Variants in DEK observed in about 807,000 individuals in gnomAD.
DEK encodes protein DEK.
In DEK, 28 loss-of-function variants were observed where a neutral mutation model predicts 46.8. The observed-to-expected ratio is 0.60, with a 90% CI of 0.44 to 0.82. The LOEUF (loss-of-function observed/expected upper bound fraction) is 0.82. DEK is among the 40% of genes least tolerant of loss of function. The pLI is 0.00. For synonymous variants in DEK, 160 were observed against 144.5 expected (o/e 1.11, Z -0.77); for missense variants, 416 against 430.6 (o/e 0.97, Z 0.30).
At position 18,264,030 on chromosome 6, in the gene DEK, C is replaced by G. The variant is rs762849194; in HGVS notation, c.-9-34G>C. 2.6e-6 allele frequency: 4 copies of G among 1,561,482 alleles called. No individual in the cohort carries two copies. The East Asian group carries it at 9.1e-5, about 36-fold the overall frequency. ...GGGAAGAAAGCCGGACGTCTCGGTCCTCCTACTCCCGCAGGCAGGACCGGG... is the reference window on the plus strand; with the variant it reads ...GGGAAGAAAGCCGGACGTCTCGGTCGTCCTACTCCCGCAGGCAGGACCGGG... On this transcript the variant is annotated intron_variant, in intron 1 of 10. Coordinates refer to ENST00000652689, the MANE Select transcript of DEK (RefSeq NM_003472.4).
chr6:18,246,430 T>A (rs1791117728), intron 7 of DEK, among the ~76,000 whole-genome samples: 1 of 152,232 alleles, frequency 6.6e-6, no homozygotes, highest in Admixed American at 6.5e-5. Flanking sequence ...CTATTGTGAC[T>A]CACTCACTGC....
chr6:18,244,503 C>T lies in DEK; in HGVS notation c.762+5148G>A, dbSNP rs1420558676. The T allele has an allele frequency of 3.9e-6, 5 of 1,283,746 alleles. No homozygotes were observed. The East Asian group carries it at 2.2e-4, about 57-fold the overall frequency. The allele number at this position is 1,283,746 out of a possible 1,614,324, so 79.5% of individuals were successfully genotyped here. On this transcript the variant is annotated intron_variant, in intron 7 of 10. Coordinates refer to ENST00000652689, the MANE Select transcript of DEK (RefSeq NM_003472.4). Reference sequence around the variant, plus strand: ...CAAAAAAAATCTTGGGAAAGCAAGGCTTACCTATGATTTATAGGCAGCAGG... The same window carrying T: ...CAAAAAAAATCTTGGGAAAGCAAGGTTTACCTATGATTTATAGGCAGCAGG...
intron 7 of DEK, 95 bp downstream of exon 7, chr6:18,249,556 C>CA: frequency 7.1e-7 from 1 of 1,398,852 alleles, no homozygotes; most frequent in Non-Finnish European, 9.3e-7. Flanking sequence ...TAAAAACAAC[C>CA]AATAAGGAAG....
Position 18,257,968 on chromosome 6 carries a change from G to A in DEK, c.342C>T (p.Tyr114=). ...AAGGTCTTACAGTGCCTGGCCTGTT[G>A]TAAAGCAGTTTGTGTAGATTTCTAA... The part of the protein sequence containing the change: ...DELRNLHKLL[Y]NRPGTVSSLK... Residue 114 remains tyrosine (Y), a synonymous_variant, in exon 4 of 11, where the codon TAC becomes TAT. Transcript: ENST00000652689. The A allele has an allele frequency of 6.2e-7, 1 of 1,608,408 alleles. No homozygotes were observed. Among genetic ancestry groups the A allele is most frequent in the Non-Finnish European group, 8.5e-7 (1 of 1,178,190 alleles).
chr6:18,232,258 A>G (rs931304050), intron 9 of DEK, among the ~76,000 whole-genome samples: 1 of 152,216 alleles, frequency 6.6e-6, no homozygotes, highest in Non-Finnish European at 1.5e-5. Flanking sequence ...CAGTCATCAT[A>G]TTGAATGGGC....
intron 7 of DEK, among the ~76,000 whole-genome samples, chr6:18,241,091 G>A (rs924742420): frequency 2.0e-5 from 3 of 152,160 alleles, no homozygotes; most frequent in Non-Finnish European, 4.4e-5. Flanking sequence ...CATGAAAGCT[G>A]AACAGTAAAA....
At chr6:18,229,606 T>C (rs1157901041) in intron 9 of DEK, among the ~76,000 whole-genome samples, 1 of 152,050 alleles carries the variant, frequency 6.6e-6, no homozygotes, top group African/African-American at 2.4e-5. Context: ...GCCGATTCGA[T>C]CAACTGGAAG....
intron 7 of DEK, among the ~76,000 whole-genome samples, chr6:18,248,948 T>A (rs1275364863): frequency 6.6e-6 from 1 of 152,132 alleles, no homozygotes; most frequent in African/African-American, 2.4e-5. Context: ...AACGAAAACA[T>A]CAAAGTTAAA....
At position 18,258,350 on chromosome 6, in the gene DEK, T is replaced by G. The variant is rs750210500; in HGVS notation, c.201A>C (p.Thr67=). 2.5e-6 allele frequency: 4 copies of G among 1,613,602 alleles called. No homozygotes were observed. The South Asian group carries it at 4.4e-5, about 18-fold the overall frequency. The change falls in exon 3 of 11, where the codon ACA becomes ACC. Residue 67 remains threonine (T), a synonymous_variant. Transcript: ENST00000652689. Reference sequence around the variant, plus strand: ...CTCTCTGTAAGGAAGAGACTTGCATTGTCAACCTCTCTACTTTTTTCTTTT... The same window carrying G: ...CTCTCTGTAAGGAAGAGACTTGCATGGTCAACCTCTCTACTTTTTTCTTTT... ...KREKKKVERL[T]MQVSSLQREP...
chr6:18,247,162 G>A (rs1469691392), intron 7 of DEK, among the ~76,000 whole-genome samples: 2 of 152,010 alleles, frequency 1.3e-5, no homozygotes, highest in Admixed American at 1.3e-4. Context: ...TGTTCCTCCT[G>A]CCAGAACTTA....
At chr6:18,229,433 C>A (rs973928736) in intron 9 of DEK, among the ~76,000 whole-genome samples, 11 of 152,252 alleles carry the variant, frequency 7.2e-5, no homozygotes, top group African/African-American at 2.6e-4. Context: ...CTTCTCCAAG[C>A]TAAAGGAGGA....
At chr6:18,251,095 C>T (rs534180192) in intron 6 of DEK, among the ~76,000 whole-genome samples, 8 of 152,190 alleles carry the variant, frequency 5.3e-5, no homozygotes, top group African/African-American at 1.9e-4. Flanking sequence ...GGAAGTTTTG[C>T]TAAATTCTAA....
At position 18,263,837 on chromosome 6, in the gene DEK, C is replaced by T. The variant is rs747223131; in HGVS notation, c.145+6G>A. 2 of 1,612,090 alleles carry T rather than the reference C, an allele frequency of 1.2e-6. No homozygotes were observed. Among genetic ancestry groups the T allele is most frequent in the East Asian group, 2.2e-5 (1 of 44,642 alleles). On this transcript the variant is annotated splice_donor_region_variant and intron_variant, in intron 2 of 10. Coordinates refer to ENST00000652689, the MANE Select transcript of DEK (RefSeq NM_003472.4). Reference sequence around the variant, plus strand: ...AATTCATCAGTTGGGATGCGACTCCCCCCACCTTTTTCCTCCTCCTCCTCC... The same window carrying T: ...AATTCATCAGTTGGGATGCGACTCCTCCCACCTTTTTCCTCCTCCTCCTCC...
At chr6:18,257,847 C>A in intron 4 of DEK, 106 bp downstream of exon 4, 1 of 687,768 alleles carries the variant, frequency 1.5e-6, no homozygotes, top group South Asian at 2.5e-5. Context: ...TCAGTCTGCT[C>A]AGTCATAAAG....
chr6:18,263,791 C>A lies in DEK; in HGVS notation c.145+52G>T, dbSNP rs967248017. The stretch of plus-strand genomic sequence containing the variant: ...AAAACTGTTTCCTGGGTGAAAAATA[C>A]AAAAAAACTTCGGTCTGAAAAATTC... On this transcript the variant is annotated intron_variant, in intron 2 of 10. Coordinates refer to ENST00000652689, the MANE Select transcript of DEK (RefSeq NM_003472.4). 4.3e-6 allele frequency: 7 copies of A among 1,609,942 alleles called. No homozygotes were observed. The African/African-American group carries it at 9.4e-5, about 22-fold the overall frequency.
chr6:18,252,553 G>A (rs1027264290), intron 6 of DEK, among the ~76,000 whole-genome samples: 28 of 141,852 alleles, frequency 2.0e-4, no homozygotes, highest in Non-Finnish European at 4.2e-4. Context: ...GCCTGAGCTC[G>A]ATACTATCAG....
chr6:18,236,717 T>C, intron 8 of DEK, 117 bp from the exon 9 acceptor site: 1 of 646,354 alleles, frequency 1.5e-6, no homozygotes, highest in Non-Finnish European at 2.3e-6. Flanking sequence ...TCAAAAAAAT[T>C]ATAAATCACT....
chr6:18,251,683 A>G lies in DEK; in HGVS notation c.574-1844T>C, dbSNP rs192107394. 5.9e-5 allele frequency among the ~76,000 whole-genome samples: 9 copies of G among 152,344 alleles called. No homozygotes were observed. The East Asian group carries it at 1.7e-3, about 29-fold the overall frequency. On this transcript the variant is annotated intron_variant, in intron 6 of 10. Transcript: ENST00000652689. ...AATCCATGTGGATAAATTCTTTGAT[A>G]GCACCGTTTGGAGAAAAGGTAACTC...
At position 18,246,427 on chromosome 6, in the gene DEK, GACTC is replaced by G. The variant is rs1791117643; in HGVS notation, c.762+3220_762+3223del. On this transcript the variant is annotated intron_variant, in intron 7 of 10. Coordinates refer to ENST00000652689, the MANE Select transcript of DEK (RefSeq NM_003472.4). ...AGGAAAAGAATTGCAAAACTATTGT[GACTC>G]ACTCACTGCATATCATAAAAACAGA... 1.3e-5 allele frequency among the ~76,000 whole-genome samples: 2 copies of G among 152,296 alleles called. 1 individual carries two copies. The highest frequency in any genetic ancestry group is 1.3e-4 in the Admixed American group (2 of 15,306).
Sources: allele counts gnomAD v4.1 joint callset (sites outside exome capture counted in the v4.1 genomes callset), GRCh38; gene constraint gnomAD v4.1.1; transcripts MANE v1.5; gene names NCBI Gene and HGNC (gene_info 2026-07-23, HGNC 2026-07-21).